RGS7BP: variants seen among roughly 807,000 people sequenced by gnomAD.
RGS7BP encodes the protein regulator of G protein signaling 7 binding protein, also known as regulator of G protein signaling 7-binding protein.
In RGS7BP, 9 loss-of-function variants were observed where a neutral mutation model predicts 31.3. That is an observed-to-expected ratio of 0.29 (90% CI 0.17 to 0.50). The LOEUF is 0.50. Among genes scored for constraint, RGS7BP ranks in the 20% least tolerant of loss-of-function variants. The probability of loss-of-function intolerance (pLI) is 0.98; values close to 1 mark genes in which losing one functional copy is unlikely to be tolerated. For synonymous variants in RGS7BP, 115 were observed against 120.1 expected (o/e 0.96, Z 0.28); for missense variants, 274 against 322.0 (o/e 0.85, Z 1.14).
At chr5:64,559,459 A>G (rs1319022345) in intron 2 of RGS7BP, among the ~76,000 whole-genome samples, 2 of 152,190 alleles carry the variant, frequency 1.3e-5, no homozygotes, top group African/African-American at 2.4e-5. Context: ...TACCACTGGC[A>G]TGTCAACATT....
intron 2 of RGS7BP, among the ~76,000 whole-genome samples, chr5:64,571,281 A>T (rs1298338567): frequency 6.6e-6 from 1 of 152,126 alleles, no homozygotes; most frequent in East Asian, 1.9e-4. Flanking sequence ...GTTGAGTATT[A>T]TTCTATTGTA....
chr5:64,509,990 C>G (rs940568063), intron 2 of RGS7BP, among the ~76,000 whole-genome samples: 1 of 152,174 alleles, frequency 6.6e-6, no homozygotes, highest in Admixed American at 6.5e-5. Flanking sequence ...ATGTGATTCC[C>G]TTTGGCGGAA....
At chr5:64,537,704 G>A (rs1741411500) in intron 2 of RGS7BP, among the ~76,000 whole-genome samples, 1 of 152,184 alleles carries the variant, frequency 6.6e-6, no homozygotes, top group Non-Finnish European at 1.5e-5. Flanking sequence ...TTTAGATTAT[G>A]ATAGAAATTC....
intron 4 of RGS7BP, among the ~76,000 whole-genome samples, chr5:64,597,689 G>A (rs927534936): frequency 5.9e-5 from 9 of 151,726 alleles, no homozygotes; most frequent in Non-Finnish European, 1.3e-4. Flanking sequence ...GTAAGTGGGA[G>A]CTAAATGGTG....
At chr5:64,602,402 C>T (rs146010623) in intron 5 of RGS7BP, among the ~76,000 whole-genome samples, 1 of 152,268 alleles carries the variant, frequency 6.6e-6, no homozygotes, top group African/African-American at 2.4e-5. Context: ...TTTCTTAATG[C>T]ATTACTCTAT....
chr5:64,585,696 C>T (rs1303761314), intron 3 of RGS7BP, among the ~76,000 whole-genome samples: 1 of 152,154 alleles, frequency 6.6e-6, no homozygotes, highest in East Asian at 1.9e-4. Flanking sequence ...ACCAACCTTT[C>T]AATTTGTTAT....
chr5:64,506,787 A>G lies in RGS7BP; in HGVS notation c.163A>G (p.Met55Val). The change falls in exon 1 of 6, where the codon ATG becomes GTG. Residue 55 changes from methionine (M) to valine (V), a missense_variant and splice_region_variant. Met to Val is a conservative substitution (Grantham distance 21). This residue lies in a region of RGS7BP where 149 missense variants were observed against 152.6 expected (regional missense o/e 0.98). Transcript: ENST00000334025. The surrounding 1 kb of genome is among the most constrained non-coding windows in gnomAD (Gnocchi z 4.6). The stretch of plus-strand genomic sequence containing the variant: ...CCAACGAGCCCTGGACGACTGCAAG[A>G]TGGTGGGTGAAAACTGCGCCTCTTT... ...KTQRALDDCK[M>V]LVQEFNTQVA... 6.8e-7 allele frequency: 1 copy of G among 1,469,806 alleles called. No homozygotes were observed. The highest frequency in any genetic ancestry group is 9.2e-7 in the Non-Finnish European group (1 of 1,089,216). The allele number at this position is 1,469,806 out of a possible 1,614,324, so 91.0% of individuals were successfully genotyped here.
At chr5:64,561,992 C>T (rs1742067449) in intron 2 of RGS7BP, among the ~76,000 whole-genome samples, 1 of 151,946 alleles carries the variant, frequency 6.6e-6, no homozygotes, top group Non-Finnish European at 1.5e-5. Context: ...ACGGTGGAGC[C>T]ATTTAGTTGA....
intron 5 of RGS7BP, among the ~76,000 whole-genome samples, chr5:64,600,780 A>G (rs1490337805): frequency 6.6e-6 from 1 of 152,194 alleles, no homozygotes; most frequent in East Asian, 1.9e-4. Context: ...GTGACAATAC[A>G]TCTCTGTTCT....
chr5:64,550,850 G>A (rs368666781), intron 2 of RGS7BP, among the ~76,000 whole-genome samples: 1 of 150,862 alleles, frequency 6.6e-6, no homozygotes, highest in Non-Finnish European at 1.5e-5. Flanking sequence ...TTGTCCTTGC[G>A]ATAGTTTGCT....
intron 2 of RGS7BP, among the ~76,000 whole-genome samples, chr5:64,525,896 T>C (rs1164338535): frequency 6.6e-6 from 1 of 152,212 alleles, no homozygotes; most frequent in Non-Finnish European, 1.5e-5. Context: ...TGATGTATTA[T>C]ACAGACCTGA....
chr5:64,517,632 T>C (rs1749010353), intron 2 of RGS7BP, among the ~76,000 whole-genome samples: 1 of 152,214 alleles, frequency 6.6e-6, no homozygotes, highest in Non-Finnish European at 1.5e-5. Context: ...CACCTCATTA[T>C]AGTCCACCAT....
chr5:64,546,598 G>A (rs1741665623), intron 2 of RGS7BP, among the ~76,000 whole-genome samples: 1 of 152,088 alleles, frequency 6.6e-6, no homozygotes, highest in South Asian at 2.1e-4. Flanking sequence ...CAAAGAAGGT[G>A]AACTCAGACA....
chr5:64,524,457 G>C (rs1280051440), intron 2 of RGS7BP, among the ~76,000 whole-genome samples: 1 of 151,976 alleles, frequency 6.6e-6, no homozygotes, highest in African/African-American at 2.4e-5. Context: ...GCATTTGAAG[G>C]GAAACTGGAT....
intron 3 of RGS7BP, among the ~76,000 whole-genome samples, chr5:64,590,021 C>T (rs1251120211): frequency 1.3e-5 from 2 of 150,484 alleles, no homozygotes; most frequent in African/African-American, 4.9e-5. Flanking sequence ...TTTATTGAAA[C>T]CATTGGGGAA....
rs540166939 is a variant in RGS7BP at position 64,513,476 on chromosome 5, G to C, written c.332+5599G>C. 8.8e-4 allele frequency among the ~76,000 whole-genome samples: 134 copies of C among 152,210 alleles called. 1 individual carries two copies. Among genetic ancestry groups the C allele is most frequent in the African/African-American group, 3.1e-3 (130 of 41,548 alleles). ...CAGTCCCACTTCTAGTTGATTTCTT[G>C]TTCCTACCCTTGTTCTGTTTGCTAG... On this transcript the variant is annotated intron_variant, in intron 2 of 5. Coordinates refer to ENST00000334025, the MANE Select transcript of RGS7BP (RefSeq NM_001029875.3).
chr5:64,550,659 T>C (rs980634977), intron 2 of RGS7BP, among the ~76,000 whole-genome samples: 18 of 151,890 alleles, frequency 1.2e-4, no homozygotes, highest in Non-Finnish European at 2.1e-4. Flanking sequence ...ATACATGTGC[T>C]ATGTTGGTGT....
At chr5:64,509,452 G>C (rs1748775072) in intron 2 of RGS7BP, among the ~76,000 whole-genome samples, 1 of 152,186 alleles carries the variant, frequency 6.6e-6, no homozygotes, top group Admixed American at 6.5e-5. Context: ...GTTCGATTCA[G>C]TCTATTTTGC....
intron 4 of RGS7BP, among the ~76,000 whole-genome samples, chr5:64,595,092 A>G (rs1362584286): frequency 1.3e-5 from 2 of 152,212 alleles, no homozygotes; most frequent in Non-Finnish European, 2.9e-5. Flanking sequence ...CAACACCCAC[A>G]GTAGGCACAG....
Sources: allele counts gnomAD v4.1 joint callset (sites outside exome capture counted in the v4.1 genomes callset), GRCh38; gene constraint gnomAD v4.1.1; regional missense constraint gnomAD v4.1.1; non-coding constraint Gnocchi (gnomAD v3.1); transcripts MANE v1.5; gene names NCBI Gene and HGNC (gene_info 2026-07-23, HGNC 2026-07-21).